The following AGBL1 variants were observed in gnomAD, a reference collection of about 807,000 sequenced individuals.
The protein encoded by AGBL1 is AGBL carboxypeptidase 1, also known as cytosolic carboxypeptidase 4.
A neutral mutation model predicts 118.9 loss-of-function variants in AGBL1; 130 were observed. The observed-to-expected ratio is 1.09, with a 90% CI of 0.95 to 1.26. AGBL1 has a LOEUF of 1.26. Ranked by LOEUF, AGBL1 falls within the 50% of genes most tolerant of loss-of-function variation. The pLI, the probability that AGBL1 is intolerant of heterozygous loss-of-function variation, is 0.00. For missense variants in AGBL1, 1,584 were observed against 1,298.1 expected, an observed-to-expected ratio of 1.22 and a Z score of -3.38; for synonymous variants, 555 against 478.9, an observed-to-expected ratio of 1.16 and a Z score of -2.08.
chr15:86,296,680 C>T (rs2079650283), intron 17 of AGBL1: 1 of 152,200 alleles, frequency 6.6e-6, no homozygotes, highest in Non-Finnish European at 1.5e-5. Flanking sequence ...TAATGAGGCC[C>T]TAAAATGCTT....
chr15:86,993,116 G>C (rs2081349476), intron 24 of AGBL1, among the ~76,000 whole-genome samples: 1 of 152,160 alleles, frequency 6.6e-6, no homozygotes. Context: ...AATAGTTTCA[G>C]AGTATCAACA....
intron 5 of AGBL1, among the ~76,000 whole-genome samples, chr15:86,223,538 G>A (rs1253841093): frequency 6.6e-6 from 1 of 152,164 alleles, no homozygotes; most frequent in Non-Finnish European, 1.5e-5. Flanking sequence ...TGAAAACTCT[G>A]TGGGATTCAA....
At chr15:86,643,973 T>C (rs2085232745) in intron 21 of AGBL1, among the ~76,000 whole-genome samples, 1 of 152,188 alleles carries the variant, frequency 6.6e-6, no homozygotes, top group Non-Finnish European at 1.5e-5. Context: ...GTCTATACAA[T>C]GTCTAATTTG....
chr15:86,219,681 C>T (rs1597575754), intron 5 of AGBL1, among the ~76,000 whole-genome samples: 3 of 152,224 alleles, frequency 2.0e-5, no homozygotes, highest in East Asian at 3.9e-4. Flanking sequence ...AGCTGTACCA[C>T]ACTGTGCTAT....
At chr15:86,210,433 C>T (rs1484581057) in intron 5 of AGBL1, among the ~76,000 whole-genome samples, 2 of 152,220 alleles carry the variant, frequency 1.3e-5, no homozygotes, top group African/African-American at 4.8e-5. Flanking sequence ...TTCATTCTCC[C>T]TGTCACTTTC....
chr15:86,949,168 TAAAAA>T (rs571711474), intron 23 of AGBL1, among the ~76,000 whole-genome samples: 1 of 151,996 alleles, frequency 6.6e-6, no homozygotes, highest in Admixed American at 6.6e-5. Flanking sequence ...ATGAAAAAAA[TAAAAA>T]AATAATGACC....
At chr15:86,306,794 G>T (rs148084001) in intron 17 of AGBL1, among the ~76,000 whole-genome samples, 10 of 152,174 alleles carry the variant, frequency 6.6e-5, no homozygotes, top group African/African-American at 2.4e-4. Context: ...AGTGTGCAAG[G>T]ATTCCCTTTT....
chr15:86,261,163 T>C (rs1394748610), intron 9 of AGBL1, among the ~76,000 whole-genome samples: 1 of 152,162 alleles, frequency 6.6e-6, no homozygotes, highest in Admixed American at 6.6e-5. Context: ...TGGAATGAAT[T>C]AGGTTGCAGC....
intron 22 of AGBL1, among the ~76,000 whole-genome samples, chr15:86,809,459 C>G (rs2078760396): frequency 6.6e-6 from 1 of 152,118 alleles, no homozygotes; most frequent in Non-Finnish European, 1.5e-5. Flanking sequence ...TTTATCCTAT[C>G]AAACTGTGTC....
At chr15:86,852,293 T>C (rs1019351393) in intron 22 of AGBL1, among the ~76,000 whole-genome samples, 1 of 152,128 alleles carries the variant, frequency 6.6e-6, no homozygotes, top group Non-Finnish European at 1.5e-5. Context: ...TCACTCACTA[T>C]TGTGAGAACA....
chr15:86,188,586 A>T (rs1248061503), intron 5 of AGBL1, among the ~76,000 whole-genome samples: 1 of 152,200 alleles, frequency 6.6e-6, no homozygotes, highest in Non-Finnish European at 1.5e-5. Context: ...TGAACACAAC[A>T]GTGCTGAAAA....
chr15:86,295,478 T>C, intron 17 of AGBL1, 70 bp downstream of exon 17: 1 of 1,457,078 alleles, frequency 6.9e-7, no homozygotes, highest in Non-Finnish European at 9.2e-7. Flanking sequence ...GGAAGCATTC[T>C]GTCTCTTTTA....
chr15:86,512,585 G>A (rs2142180898), intron 18 of AGBL1, among the ~76,000 whole-genome samples: 1 of 151,608 alleles, frequency 6.6e-6, no homozygotes, highest in East Asian at 1.9e-4. Flanking sequence ...AATATCACTA[G>A]ATTATCTCTT....
intron 22 of AGBL1, among the ~76,000 whole-genome samples, chr15:86,742,006 T>C (rs937328261): frequency 2.6e-5 from 4 of 151,932 alleles, no homozygotes; most frequent in African/African-American, 9.7e-5. Context: ...TATGAGTGGC[T>C]TAAAACCCAT....
Position 86,815,024 on chromosome 15 carries a change from G to T in AGBL1, c.3159-92063G>T, listed in dbSNP as rs570133272. ...CATGGAGTAGTCAGATAACTGTTTT[G>T]TTTTTTTTTAATATGGCAGTTGACC... On this transcript the variant is annotated intron_variant, in intron 22 of 22. Coordinates refer to ENST00000614907, the MANE Select transcript of AGBL1 (RefSeq NM_001386094.1). 2.1e-4 allele frequency among the ~76,000 whole-genome samples: 31 copies of T among 150,900 alleles called. No homozygotes were observed. In the South Asian group the frequency reaches 6.1e-3, roughly 30 times the overall value.
intron 21 of AGBL1, among the ~76,000 whole-genome samples, chr15:86,652,831 T>G (rs2085397441): frequency 6.6e-6 from 1 of 152,136 alleles, no homozygotes; most frequent in East Asian, 1.9e-4. Flanking sequence ...TGCCCCCTTT[T>G]CACTTCCCCT....
chr15:86,239,800 C>T (rs2078613028), intron 6 of AGBL1, among the ~76,000 whole-genome samples: 1 of 152,174 alleles, frequency 6.6e-6, no homozygotes, highest in Non-Finnish European at 1.5e-5. Flanking sequence ...AGAAATCTTC[C>T]TCAAGAAGCT....
intron 22 of AGBL1, among the ~76,000 whole-genome samples, chr15:86,685,230 C>T (rs2142580728): frequency 6.6e-6 from 1 of 152,252 alleles, no homozygotes; most frequent in East Asian, 1.9e-4. Flanking sequence ...GAAGTGATTA[C>T]CTCTGCTTGG....
At chr15:86,978,743 G>T (rs2081199695) in intron 23 of AGBL1, among the ~76,000 whole-genome samples, 1 of 152,152 alleles carries the variant, frequency 6.6e-6, no homozygotes. Context: ...CTAAGTCACT[G>T]CAGTTCATGT....
Sources: allele counts gnomAD v4.1 joint callset (sites outside exome capture counted in the v4.1 genomes callset), GRCh38; gene constraint gnomAD v4.1.1; transcripts MANE v1.5; gene names NCBI Gene and HGNC (gene_info 2026-07-23, HGNC 2026-07-21).